DNAAF5: variants seen among roughly 807,000 people sequenced by gnomAD.
The protein encoded by DNAAF5 is HEAT repeat containing 2.
A neutral mutation model predicts 75.8 loss-of-function variants in DNAAF5; 64 were observed. The ratio of observed to expected loss-of-function variants is 0.84; its 90% confidence interval spans 0.69 to 1.04. The LOEUF is 1.04. Among genes scored for constraint, DNAAF5 ranks in the 50% least tolerant of loss-of-function variants. The pLI is 0.00. For synonymous variants in DNAAF5, 657 were observed against 557.2 expected, an observed-to-expected ratio of 1.18 and a Z score of -2.52; for missense variants, 1,269 against 1,178.5, an observed-to-expected ratio of 1.08 and a Z score of -1.12.
chr7:751,904 A>G (rs768225976), intron 4 of DNAAF5, among the ~76,000 whole-genome samples: 18 of 152,106 alleles, frequency 1.2e-4, no homozygotes, highest in Non-Finnish European at 2.5e-4. Context: ...CTTTTCATCA[A>G]AGTCCCTGAA....
chr7:761,407 A>G lies in DNAAF5; in HGVS notation c.1471-346A>G, dbSNP rs540860617. Among the ~76,000 whole-genome samples the G allele has an allele frequency of 5.5e-4, 84 of 152,328 alleles. 1 individual carries two copies. Among genetic ancestry groups the G allele is most frequent in the African/African-American group, 2.0e-3 (83 of 41,572 alleles). On this transcript the variant is annotated intron_variant, in intron 6 of 12. Transcript: ENST00000297440. ...TGTCGCTAATAAAGATCTACCACAGACTGGGTAATTTATAAAGAAAAAGAG... is the reference window on the plus strand; with the variant it reads ...TGTCGCTAATAAAGATCTACCACAGGCTGGGTAATTTATAAAGAAAAAGAG...
intron 11 of DNAAF5, among the ~76,000 whole-genome samples, chr7:775,398 T>C (rs891358477): frequency 6.6e-6 from 1 of 151,802 alleles, no homozygotes; most frequent in Non-Finnish European, 1.5e-5. Flanking sequence ...ATTTAAAAAT[T>C]AGCCAGGGCT....
At chr7:779,835 G>A in intron 11 of DNAAF5, 118 bp from the exon 12 acceptor site, 2 of 849,740 alleles carry the variant, frequency 2.4e-6, no homozygotes, top group Middle Eastern at 3.6e-4. Flanking sequence ...TGAGGTGTGG[G>A]TTTCTTAGGA....
At position 749,593 on chromosome 7, in the gene DNAAF5, G is replaced by A. The variant is rs538510470; in HGVS notation, c.1025-4996G>A. On this transcript the variant is annotated intron_variant, in intron 4 of 12. Coordinates refer to ENST00000297440, the MANE Select transcript of DNAAF5 (RefSeq NM_017802.4). The stretch of plus-strand genomic sequence containing the variant: ...GAATGGAAATTGTCAGAAACGTTAC[G>A]TTGTGCAAATGGGCTGGAAAAGCTG... Among the ~76,000 whole-genome samples, 8 of 152,328 alleles carry A rather than the reference G, an allele frequency of 5.3e-5. No individual in the cohort carries two copies. The South Asian group carries it at 1.5e-3, about 28-fold the overall frequency.
chr7:757,487 G>A (rs968056658), intron 6 of DNAAF5, among the ~76,000 whole-genome samples: 3 of 152,148 alleles, frequency 2.0e-5, no homozygotes, highest in African/African-American at 7.2e-5. Flanking sequence ...GTCCTCAGGG[G>A]GCACTGACAG....
At chr7:770,963 C>CACCAGCTCTCGGCAGGGA in intron 9 of DNAAF5, 1 of 189,152 alleles carries the variant, frequency 5.3e-6, no homozygotes, top group Non-Finnish European at 1.1e-5. Flanking sequence ...ACTGGGTAAA[C>CACCAGCTCTCGGCAGGGA]ACAAGCTCTC....
intron 9 of DNAAF5, among the ~76,000 whole-genome samples, chr7:773,546 G>A (rs1311328169): frequency 6.8e-6 from 1 of 148,102 alleles, no homozygotes; most frequent in Non-Finnish European, 1.5e-5. Flanking sequence ...CCCGGACCGC[G>A]CCTGTGGCCC....
intron 11 of DNAAF5, 36 bp downstream of exon 11, chr7:775,198 G>T: frequency 1.9e-6 from 3 of 1,601,186 alleles, no homozygotes; most frequent in Non-Finnish European, 2.6e-6. Context: ...CTGTGTATAT[G>T]CAGTCAGCCC....
chr7:783,204 G>A (rs1008710063), intron 12 of DNAAF5, among the ~76,000 whole-genome samples: 11 of 152,216 alleles, frequency 7.2e-5, no homozygotes, highest in African/African-American at 2.7e-4. Context: ...CTGCTCGTCC[G>A]TCCGCCATTC....
chr7:766,248 G>A (rs555852809), intron 8 of DNAAF5, among the ~76,000 whole-genome samples: 5 of 152,112 alleles, frequency 3.3e-5, no homozygotes, highest in African/African-American at 7.2e-5. Flanking sequence ...TTCCAACATC[G>A]TGTCCTTGGA....
chr7:754,049 G>A lies in DNAAF5; in HGVS notation c.1025-540G>A, dbSNP rs572997384. Among the ~76,000 whole-genome samples, 312 of 149,652 alleles carry A rather than the reference G, an allele frequency of 2.1e-3. No homozygotes were observed. Among genetic ancestry groups the A allele is most frequent in the Non-Finnish European group, 3.1e-3 (212 of 67,610 alleles). ...GCAGGCGTGTCTCTCATCATATGGC[G>A]ATGGCTTCGCAGGCGTGTGTCTCTC... On this transcript the variant is annotated intron_variant, in intron 4 of 12. Transcript: ENST00000297440. This position sits in a 1 kb window ranked among gnomAD's most constrained non-coding sequence, Gnocchi z 4.8.
chr7:764,688 G>C (rs1782767136), intron 8 of DNAAF5, among the ~76,000 whole-genome samples: 1 of 152,206 alleles, frequency 6.6e-6, no homozygotes, highest in Admixed American at 6.5e-5. Flanking sequence ...TCTGTGCCTG[G>C]TAGGGACTCA....
intron 3 of DNAAF5, 141 bp downstream of exon 3, chr7:741,084 AGTC>A (rs1781893593): frequency 9.5e-7 from 1 of 1,049,400 alleles, no homozygotes; most frequent in Admixed American, 2.5e-5. Context: ...GCCGTACAGA[AGTC>A]GTCTCGTTTT....
intron 2 of DNAAF5, among the ~76,000 whole-genome samples, chr7:740,292 C>G (rs1237970767): frequency 6.6e-6 from 1 of 152,232 alleles, no homozygotes; most frequent in East Asian, 1.9e-4. Flanking sequence ...GCCCCCTCTT[C>G]AGACACCCAG....
intron 11 of DNAAF5, among the ~76,000 whole-genome samples, chr7:776,312 G>T (rs1186390858): frequency 6.6e-6 from 1 of 152,030 alleles, no homozygotes; most frequent in Non-Finnish European, 1.5e-5. Context: ...CTCCAGCCTG[G>T]GTGACAGAGC....
intron 12 of DNAAF5, 133 bp downstream of exon 12, chr7:780,277 C>T (rs1008391194): frequency 9.4e-6 from 7 of 747,320 alleles, no homozygotes; most frequent in Admixed American, 2.9e-5. Context: ...GCCTGGCACA[C>T]TCTTGAGTTC....
At chr7:731,334 G>A (rs758370173) in intron 2 of DNAAF5, among the ~76,000 whole-genome samples, 37 of 152,140 alleles carry the variant, frequency 2.4e-4, no homozygotes, top group Non-Finnish European at 4.7e-4. Context: ...TCACTGTATC[G>A]ATAGCTGTCT....
intron 2 of DNAAF5, among the ~76,000 whole-genome samples, chr7:732,170 C>T (rs1279148978): frequency 6.6e-6 from 1 of 152,234 alleles, no homozygotes; most frequent in Admixed American, 6.5e-5. Flanking sequence ...GTCTAGCCGC[C>T]CTGGAGCCTT....
intron 2 of DNAAF5, among the ~76,000 whole-genome samples, chr7:737,639 G>T (rs1562376354): frequency 1.3e-5 from 2 of 152,116 alleles, no homozygotes; most frequent in Non-Finnish European, 2.9e-5. Context: ...GCTTTTGTTT[G>T]TCTGGGAAAG....
Sources: allele counts gnomAD v4.1 joint callset (sites outside exome capture counted in the v4.1 genomes callset), GRCh38; gene constraint gnomAD v4.1.1; non-coding constraint Gnocchi (gnomAD v3.1); transcripts MANE v1.5; gene names NCBI Gene and HGNC (gene_info 2026-07-23, HGNC 2026-07-21).